The following FRYL variants were observed in gnomAD, a reference collection of about 807,000 sequenced individuals.
The protein encoded by FRYL is protein furry homolog-like.
FRYL carries 150 observed loss-of-function variants against 351.2 expected under a neutral mutation model. That is an observed-to-expected ratio of 0.43 (90% CI 0.37 to 0.49). FRYL has a LOEUF of 0.49. Ranked by LOEUF, FRYL falls within the 20% of genes least tolerant of loss-of-function variation. FRYL has a pLI of 0.00. For missense variants in FRYL, 3,036 were observed against 3,619.3 expected (o/e 0.84, Z 4.13); for synonymous variants, 1,153 against 1,257.1 (o/e 0.92, Z 1.75).
rs528390688 is a variant in FRYL at position 48,622,253 on chromosome 4, A to C, written c.174+873T>G. Among the ~76,000 whole-genome samples, 7 of 152,344 alleles carry C rather than the reference A, an allele frequency of 4.6e-5. No individual in the cohort carries two copies. The East Asian group carries it at 1.3e-3, about 29-fold the overall frequency. On this transcript the variant is annotated intron_variant, in intron 5 of 63. Transcript: ENST00000358350. ...GTGACATGGATTCAAGATGTGAATAATCTAAATAACTTTTGTAGTGGCATG... is the reference window on the plus strand; with the variant it reads ...GTGACATGGATTCAAGATGTGAATACTCTAAATAACTTTTGTAGTGGCATG...
At chr4:48,732,575 A>G (rs1467911362) in intron 1 of FRYL, among the ~76,000 whole-genome samples, 2 of 152,104 alleles carry the variant, frequency 1.3e-5, no homozygotes, top group Non-Finnish European at 2.9e-5. Context: ...GCACATATAC[A>G]CCATGGAATA....
At chr4:48,736,479 CACAA>C (rs1188060101) in intron 1 of FRYL, among the ~76,000 whole-genome samples, 3 of 151,954 alleles carry the variant, frequency 2.0e-5, no homozygotes, top group Non-Finnish European at 4.4e-5. Flanking sequence ...AGAGACATGA[CACAA>C]ACAACTAATA....
At chr4:48,507,304 T>TACAAG (rs766973356) in intron 59 of FRYL, among the ~76,000 whole-genome samples, 2 of 152,216 alleles carry the variant, frequency 1.3e-5, no homozygotes, top group Admixed American at 6.5e-5. Flanking sequence ...AGCCAGAGCA[T>TACAAG]ACAAGACATG....
At chr4:48,666,547 A>G (rs1263736175) in intron 3 of FRYL, among the ~76,000 whole-genome samples, 1 of 152,114 alleles carries the variant, frequency 6.6e-6, no homozygotes, top group African/African-American at 2.4e-5. Context: ...ATTCAAAGCA[A>G]TTTAGAAAAA....
chr4:48,725,357 G>T (rs920780349), intron 1 of FRYL, among the ~76,000 whole-genome samples: 3 of 152,168 alleles, frequency 2.0e-5, no homozygotes, highest in East Asian at 3.8e-4. Context: ...TATCCTCTGA[G>T]AGAAAGAGAG....
intron 14 of FRYL, 52 bp from the exon 15 acceptor site, chr4:48,595,750 T>A: frequency 7.9e-7 from 1 of 1,262,552 alleles, no homozygotes; most frequent in South Asian, 1.3e-5. Context: ...AACAGCATAT[T>A]AGCAAAAAAT....
chr4:48,588,213 T>C (rs1329109195), intron 18 of FRYL, among the ~76,000 whole-genome samples: 1 of 152,066 alleles, frequency 6.6e-6, no homozygotes, highest in Non-Finnish European at 1.5e-5. Context: ...AAATAGATAA[T>C]CAAAAGAGGG....
At position 48,497,675 on chromosome 4, in the gene FRYL, C is replaced by T. The variant is rs1718724395; in HGVS notation, c.*1747G>A. The T allele has an allele frequency of 6.6e-6, 1 of 152,576 alleles. No homozygotes were observed. The highest frequency in any genetic ancestry group is 6.5e-5 in the Admixed American group (1 of 15,276). 9.5% of individuals were successfully genotyped at this position (152,576 alleles called of 1,614,324 possible). A position where few individuals can be genotyped will look rare whatever the true frequency, so the allele number is the denominator to read the frequency against. ...TGTGATGTATCTCTGGACACCATCCCTCTCTGCCTGCCCCACACCCAAAAG... is the reference window on the plus strand; with the variant it reads ...TGTGATGTATCTCTGGACACCATCCTTCTCTGCCTGCCCCACACCCAAAAG... On this transcript the variant is annotated 3_prime_UTR_variant, in exon 64 of 64. Transcript: ENST00000358350.
intron 22 of FRYL, among the ~76,000 whole-genome samples, chr4:48,579,730 A>C (rs965603698): frequency 3.9e-5 from 6 of 152,174 alleles, no homozygotes; most frequent in Non-Finnish European, 5.9e-5. Flanking sequence ...AAAGTATATT[A>C]AGCACTGCTT....
intron 1 of FRYL, among the ~76,000 whole-genome samples, chr4:48,726,843 A>C (rs1770143725): frequency 6.6e-6 from 1 of 152,226 alleles, no homozygotes; most frequent in Non-Finnish European, 1.5e-5. Context: ...GTGAGAAATA[A>C]TAATCTTTGT....
chr4:48,547,787 GA>G lies in FRYL; in HGVS notation c.4889-19del, dbSNP rs1256549520. On this transcript the variant is annotated intron_variant, in intron 40 of 63. Transcript: ENST00000358350. The stretch of plus-strand genomic sequence containing the variant: ...GTCAAACCCTAAAAAGGATAGTAGA[GA>G]AACATTATCAATAAAGAGAAATAAT... 7.2e-7 allele frequency: 1 copy of G among 1,390,788 alleles called. No individual in the cohort carries two copies. Among genetic ancestry groups the G allele is most frequent in the Non-Finnish European group, 9.5e-7 (1 of 1,051,448 alleles). The allele number at this position is 1,390,788 out of a possible 1,614,324, so 86.2% of individuals were successfully genotyped here.
At position 48,544,017 on chromosome 4, in the gene FRYL, G is replaced by A. The variant is rs1349957747; in HGVS notation, c.5402-20C>T. 14 of 1,607,958 alleles carry A rather than the reference G, an allele frequency of 8.7e-6. No individual in the cohort carries two copies. In the Admixed American group the frequency reaches 1.8e-4, roughly 21 times the overall value. On this transcript the variant is annotated intron_variant, in intron 43 of 63. Transcript: ENST00000358350. ...TTCCTTCTGTGAATGCAAAGGAAAC[G>A]AGTAGGTTGTTCTTGTTCTTTAGAA...
In FRYL at chr4:48,547,383, G is replaced by A. The variant is rs534577810; in HGVS notation, c.5074+201C>T. 30 of 378,788 alleles carry A rather than the reference G, an allele frequency of 7.9e-5. No homozygotes were observed. In the East Asian group the frequency reaches 8.6e-4, roughly 11 times the overall value. 23.5% of individuals were successfully genotyped at this position (378,788 alleles called of 1,614,324 possible). ...AGTTAAATCTCGATAAAGATCGTTC[G>A]AGGTAATGCAGACTCAAATATTTTA... On this transcript the variant is annotated intron_variant, in intron 41 of 63. Transcript: ENST00000358350.
chr4:48,542,413 TTTTG>T (rs1007333081), intron 44 of FRYL, among the ~76,000 whole-genome samples: 2 of 152,180 alleles, frequency 1.3e-5, no homozygotes, highest in African/African-American at 2.4e-5. Context: ...AAAATATTAC[TTTTG>T]TTTGTTTGTT....
chr4:48,543,734 C>T, intron 44 of FRYL, 73 bp downstream of exon 44: 1 of 1,304,342 alleles, frequency 7.7e-7, no homozygotes, highest in Admixed American at 2.0e-5. Flanking sequence ...CTAGCTATAG[C>T]AATCTATATG....
intron 28 of FRYL, among the ~76,000 whole-genome samples, chr4:48,566,030 C>A (rs574479185): frequency 2.3e-4 from 35 of 152,288 alleles, no homozygotes; most frequent in African/African-American, 7.7e-4. Context: ...GTAAGATTGG[C>A]CAAGATTTTA....
chr4:48,514,486 T>C (rs180997111), intron 56 of FRYL, among the ~76,000 whole-genome samples: 21 of 152,322 alleles, frequency 1.4e-4, no homozygotes, highest in Non-Finnish European at 2.5e-4. Context: ...AAAGTTCCAC[T>C]TGAGAATTCT....
intron 3 of FRYL, among the ~76,000 whole-genome samples, chr4:48,656,862 G>A (rs1759332325): frequency 6.6e-6 from 1 of 151,982 alleles, no homozygotes; most frequent in Non-Finnish European, 1.5e-5. Flanking sequence ...GAAAGCAGGT[G>A]ACTATGGCAC....
intron 31 of FRYL, 68 bp from the exon 32 acceptor site, chr4:48,563,056 T>C (rs1002034602): frequency 1.3e-5 from 13 of 1,032,342 alleles, no homozygotes; most frequent in African/African-American, 3.2e-5. Flanking sequence ...TTAATAAATA[T>C]GATATGCAAA....
Sources: allele counts gnomAD v4.1 joint callset (sites outside exome capture counted in the v4.1 genomes callset), GRCh38; gene constraint gnomAD v4.1.1; transcripts MANE v1.5; gene names NCBI Gene and HGNC (gene_info 2026-07-23, HGNC 2026-07-21).